ZFYVE9: variants seen among roughly 807,000 people sequenced by gnomAD.
ZFYVE9 encodes zinc finger FYVE-type containing 9.
In ZFYVE9, 43 loss-of-function variants were observed where a neutral mutation model predicts 126.7. That is an observed-to-expected ratio of 0.34 (90% CI 0.27 to 0.44). The LOEUF (loss-of-function observed/expected upper bound fraction) is 0.44. ZFYVE9 is among the 20% of genes least tolerant of loss of function. ZFYVE9 has a pLI of 1.00. For synonymous variants in ZFYVE9, 521 were observed against 597.4 expected, an observed-to-expected ratio of 0.87 and a Z score of 1.87; for missense variants, 1,476 against 1,697.0, an observed-to-expected ratio of 0.87 and a Z score of 2.29.
chr1:52,326,693 CAAAAAAAAA>C (rs34479038), intron 13 of ZFYVE9, among the ~76,000 whole-genome samples: 5 of 102,962 alleles, frequency 4.9e-5, no homozygotes, highest in Admixed American at 2.3e-4. Flanking sequence ...TACTCAATAC[CAAAAAAAAA>C]AAAAAAAAAA....
chr1:52,313,562 A>G (rs1367686116), intron 13 of ZFYVE9, among the ~76,000 whole-genome samples: 2 of 152,230 alleles, frequency 1.3e-5, no homozygotes, highest in African/African-American at 4.8e-5. Context: ...CGAGGAAAGC[A>G]CTGCAAAGAA....
intron 13 of ZFYVE9, among the ~76,000 whole-genome samples, chr1:52,314,013 A>G (rs1646160641): frequency 6.6e-6 from 1 of 152,214 alleles, no homozygotes; most frequent in African/African-American, 2.4e-5. Context: ...TGAAGTACCC[A>G]AAGGAGAGAA....
chr1:52,308,534 T>C (rs1326967956), intron 13 of ZFYVE9, among the ~76,000 whole-genome samples: 1 of 152,160 alleles, frequency 6.6e-6, no homozygotes, highest in Non-Finnish European at 1.5e-5. Flanking sequence ...TTTCCTCTCA[T>C]TCATTTTTTC....
chr1:52,281,381 C>T (rs1367883804), intron 9 of ZFYVE9, among the ~76,000 whole-genome samples: 1 of 152,188 alleles, frequency 6.6e-6, no homozygotes, highest in Non-Finnish European at 1.5e-5. Context: ...GATCCACCCG[C>T]CTCGGCCTCC....
chr1:52,294,612 A>G (rs1645955804), intron 11 of ZFYVE9, among the ~76,000 whole-genome samples: 1 of 152,196 alleles, frequency 6.6e-6, no homozygotes, highest in Non-Finnish European at 1.5e-5. Flanking sequence ...ATCTTGTATT[A>G]AAACCTGTGC....
chr1:52,162,727 A>G, intron 1 of ZFYVE9: 1 of 301,498 alleles, frequency 3.3e-6, no homozygotes, highest in Non-Finnish European at 6.6e-6. Context: ...GACATTGGAG[A>G]ATGACTTCGG....
chr1:52,338,734 G>A (rs759865146), intron 16 of ZFYVE9, among the ~76,000 whole-genome samples: 35 of 152,176 alleles, frequency 2.3e-4, no homozygotes, highest in Non-Finnish European at 2.2e-4. Flanking sequence ...AGATTTGGCC[G>A]GGTGTGGTGG....
At chr1:52,145,638 G>A (rs564311362) in intron 1 of ZFYVE9, among the ~76,000 whole-genome samples, 1 of 152,188 alleles carries the variant, frequency 6.6e-6, no homozygotes, top group African/African-American at 2.4e-5. Context: ...GTAACCGAAA[G>A]CAATTAGCTC....
At chr1:52,206,107 A>G (rs1233543940) in intron 1 of ZFYVE9, among the ~76,000 whole-genome samples, 1 of 152,210 alleles carries the variant, frequency 6.6e-6, no homozygotes, top group Non-Finnish European at 1.5e-5. Flanking sequence ...GTTAGAAAAA[A>G]AAATAACAGT....
At chr1:52,335,720 A>G (rs1402565392) in intron 15 of ZFYVE9, among the ~76,000 whole-genome samples, 1 of 152,228 alleles carries the variant, frequency 6.6e-6, no homozygotes, top group Non-Finnish European at 1.5e-5. Flanking sequence ...GAGAATGGGA[A>G]GATAGCATTG....
chr1:52,309,850 A>G (rs2147848835), intron 13 of ZFYVE9, among the ~76,000 whole-genome samples: 1 of 152,336 alleles, frequency 6.6e-6, no homozygotes, highest in South Asian at 2.1e-4. Context: ...TTAGAAAGCT[A>G]GAAGATAGTA....
Position 52,274,659 on chromosome 1 carries a change from G to A in ZFYVE9, c.2746+75G>A, listed in dbSNP as rs568253454. On this transcript the variant is annotated intron_variant, in intron 8 of 18. Transcript: ENST00000287727. ...ACCTTCTAATTAAGGTAGAGAGACA[G>A]AATTTGAGTGACATTCACCTTTCTC... The A allele has an allele frequency of 1.8e-5, 26 of 1,426,562 alleles. No homozygotes were observed. The South Asian group carries it at 2.9e-4, about 16-fold the overall frequency. 88.4% of individuals were successfully genotyped at this position (1,426,562 alleles called of 1,614,324 possible).
chr1:52,177,498 T>C (rs1309471720), intron 1 of ZFYVE9, among the ~76,000 whole-genome samples: 1 of 152,192 alleles, frequency 6.6e-6, no homozygotes, highest in African/African-American at 2.4e-5. Context: ...GTCCAGTACA[T>C]GACCCATGTA....
rs1645897839 is a variant in ZFYVE9, at chr1:52,289,598, T to C, written c.3026-3855T>C. On this transcript the variant is annotated intron_variant, in intron 10 of 18. Coordinates refer to ENST00000287727, the MANE Select transcript of ZFYVE9 (RefSeq NM_004799.4). ...AGAAGTACCTATATAAATTAGTACA[T>C]TACAGACTTTATGAATTCAAGAGCT... Among the ~76,000 whole-genome samples, 6 of 152,172 alleles carry C rather than the reference T, an allele frequency of 3.9e-5. No homozygotes were observed. The South Asian group carries it at 1.0e-3, about 26-fold the overall frequency.
chr1:52,223,512 ATTT>A (rs1645143241), intron 2 of ZFYVE9, among the ~76,000 whole-genome samples: 1 of 151,648 alleles, frequency 6.6e-6, no homozygotes, highest in Non-Finnish European at 1.5e-5. Context: ...GGTCTTTCCA[ATTT>A]TCTATCTTTT....
chr1:52,228,932 T>C (rs1645193549), intron 2 of ZFYVE9, among the ~76,000 whole-genome samples: 1 of 151,920 alleles, frequency 6.6e-6, no homozygotes, highest in Non-Finnish European at 1.5e-5. Flanking sequence ...CTCTGTCACC[T>C]AGGCTAGAAT....
chr1:52,237,465 T>A, intron 3 of ZFYVE9, 23 bp from the exon 4 acceptor site: 5 of 1,565,930 alleles, frequency 3.2e-6, no homozygotes, highest in Non-Finnish European at 4.3e-6. Context: ...GCAAACTTAT[T>A]GTAATTACTT....
At chr1:52,277,749 G>A (rs556101371) in intron 8 of ZFYVE9, among the ~76,000 whole-genome samples, 53 of 152,158 alleles carry the variant, frequency 3.5e-4, no homozygotes, top group African/African-American at 1.2e-3. Flanking sequence ...TGATTATTAC[G>A]CATGATTTGA....
intron 1 of ZFYVE9, among the ~76,000 whole-genome samples, chr1:52,199,712 G>C (rs1644905838): frequency 6.6e-6 from 1 of 152,184 alleles, no homozygotes; most frequent in Non-Finnish European, 1.5e-5. Flanking sequence ...ACGATTGCTG[G>C]ATCATATTTT....
Sources: gnomAD v4.1 joint callset for allele counts (sites outside exome capture counted in the v4.1 genomes callset) on GRCh38, gnomAD v4.1.1 for gene constraint, MANE v1.5 for transcripts, NCBI Gene and HGNC (gene_info 2026-07-23, HGNC 2026-07-21) for gene names.